The following RELN variants were observed in gnomAD, a reference collection of about 807,000 sequenced individuals.
The protein encoded by RELN is reelin.
A neutral mutation model predicts 427.6 loss-of-function variants in RELN; 108 were observed. That is an observed-to-expected ratio of 0.25 (90% confidence interval 0.22 to 0.30). The LOEUF is 0.30. Ranked by LOEUF, RELN falls within the 10% of genes least tolerant of loss-of-function variation. The probability of loss-of-function intolerance (pLI) is 1.00; values close to 1 mark genes in which losing one functional copy is unlikely to be tolerated. For missense variants in RELN, 3,715 were observed against 4,302.8 expected (o/e 0.86, Z 3.82); for synonymous variants, 1,524 against 1,513.4 (o/e 1.01, Z -0.16).
chr7:103,838,023 C>T (rs999566802), intron 2 of RELN, among the ~76,000 whole-genome samples: 8 of 151,720 alleles, frequency 5.3e-5, no homozygotes, highest in South Asian at 4.2e-4. Context: ...CTGGGTAACA[C>T]GGCGAAACAC....
chr7:103,619,512 CA>C (rs1207666829), intron 20 of RELN, among the ~76,000 whole-genome samples: 1 of 152,212 alleles, frequency 6.6e-6, no homozygotes, highest in Non-Finnish European at 1.5e-5. Context: ...AAAACTTTAA[CA>C]AATATATAGT....
rs78728005 is a variant in RELN at position 103,921,993 on chromosome 7, T to C, written c.227-4808A>G. 9.7e-3 allele frequency among the ~76,000 whole-genome samples: 1,477 copies of C among 152,286 alleles called. 25 individuals carry two copies. The highest frequency in any genetic ancestry group is 0.033 in the African/African-American group (1,382 of 41,546). On this transcript the variant is annotated intron_variant, in intron 1 of 64. Transcript: ENST00000428762. ...ACCCCAGAGCTCATTCACAGACTAC[T>C]TTCCCCAGAGTTTGGCTCAAGGGAG...
chr7:103,833,509 A>G (rs145267752), intron 3 of RELN, 28 bp downstream of exon 3: 10 of 1,605,250 alleles, frequency 6.2e-6, no homozygotes, highest in Middle Eastern at 3.3e-4. Flanking sequence ...TGCCTTCTGT[A>G]CGTATGGCAG....
At chr7:103,812,651 T>C (rs1792772053) in intron 3 of RELN, among the ~76,000 whole-genome samples, 1 of 152,210 alleles carries the variant, frequency 6.6e-6, no homozygotes, top group Non-Finnish European at 1.5e-5. Flanking sequence ...GCCAATCTTT[T>C]CTTTTTCTTA....
rs58239018 is a variant in RELN, at chr7:103,518,505, G to GTTTTTTTTTTTTTTTTTTTTT, written c.7862+817_7862+818insAAAAAAAAAAAAAAAAAAAAA. The stretch of plus-strand genomic sequence containing the variant: ...ATGCCACCACACCCAGGTAATTTAA[G>GTTTTTTTTTTTTTTTTTTTTT]TTTTTTTTTTTTTTGGTAAAATGTC... On this transcript the variant is annotated intron_variant, in intron 49 of 64. Transcript: ENST00000428762. 2.4e-3 allele frequency among the ~76,000 whole-genome samples: 279 copies of GTTTTTTTTTTTTTTTTTTTTT among 114,290 alleles called. 31 individuals are homozygous for GTTTTTTTTTTTTTTTTTTTTT. The highest frequency in any genetic ancestry group is 0.011 in the African/African-American group (248 of 21,796). 75.0% of individuals were successfully genotyped at this position (114,290 alleles called of 152,430 possible). A position where few individuals can be genotyped will look rare whatever the true frequency, so the allele number is the denominator to read the frequency against.
chr7:103,937,924 G>C (rs992855877), intron 1 of RELN, among the ~76,000 whole-genome samples: 2 of 152,160 alleles, frequency 1.3e-5, no homozygotes, highest in Non-Finnish European at 2.9e-5. Flanking sequence ...CTGACAATGA[G>C]ACACAGATCT....
At chr7:103,755,658 A>G (rs1002205373) in intron 4 of RELN, among the ~76,000 whole-genome samples, 12 of 146,554 alleles carry the variant, frequency 8.2e-5, no homozygotes, top group African/African-American at 3.0e-4. Context: ...ATTAAATAAC[A>G]TAAAAAAATT....
At position 103,989,279 on chromosome 7, in the gene RELN, C is replaced by T. The variant is rs1196068638; in HGVS notation, c.78G>A (p.Ala26=). Residue 26 remains alanine (A), a synonymous_variant, in exon 1 of 65, where the codon GCG becomes GCA. Transcript: ENST00000428762. This position sits in a 1 kb window ranked among gnomAD's most constrained non-coding sequence, Gnocchi z 4.9. The part of the protein sequence containing the change: ...LLGATLRARA[A]AGYYPRFSPF... Reference sequence around the variant, plus strand: ...GCGAAAAGCGGGGGTAATAGCCAGCCGCCGCGCGCGCCCTCAGCGTCGCCC... The same window carrying T: ...GCGAAAAGCGGGGGTAATAGCCAGCTGCCGCGCGCGCCCTCAGCGTCGCCC... 3.1e-6 allele frequency: 5 copies of T among 1,613,260 alleles called. No individual in the cohort carries two copies. The highest frequency in any genetic ancestry group is 4.5e-5 in the East Asian group (2 of 44,842).
intron 4 of RELN, among the ~76,000 whole-genome samples, chr7:103,761,526 C>T (rs1791298083): frequency 6.6e-6 from 1 of 152,090 alleles, no homozygotes; most frequent in African/African-American, 2.4e-5. Flanking sequence ...CATCTTGGCT[C>T]ACTGCAATCT....
chr7:103,726,470 C>T (rs1297807703), intron 7 of RELN, among the ~76,000 whole-genome samples: 3 of 152,094 alleles, frequency 2.0e-5, no homozygotes, highest in South Asian at 4.1e-4. Flanking sequence ...GCTAATCCCA[C>T]ATTAATTATA....
chr7:103,575,630 G>A lies in RELN; in HGVS notation c.4221C>T (p.Tyr1407=). The change falls in exon 29 of 65, where the codon TAC becomes TAT. Residue 1407 remains tyrosine (Y), a synonymous_variant. Transcript: ENST00000428762. The part of the protein sequence containing the change: ...NVPPFGLDGV[Y]ISEPCPSYCS... The stretch of plus-strand genomic sequence containing the variant: ...AGTAACTGGGACAAGGCTCGGATAT[G>A]TACACTCCATCTAAACCAAATGGAG... 1 of 1,614,108 alleles carries A rather than the reference G, an allele frequency of 6.2e-7. No homozygotes were observed. Among genetic ancestry groups the A allele is most frequent in the Non-Finnish European group, 8.5e-7 (1 of 1,179,974 alleles).
chr7:103,620,713 A>T lies in RELN; in HGVS notation c.2703-8910T>A, dbSNP rs1303053973. 6.6e-6 allele frequency among the ~76,000 whole-genome samples: 1 copy of T among 152,144 alleles called. No individual in the cohort carries two copies. The highest frequency in any genetic ancestry group is 1.5e-5 in the Non-Finnish European group (1 of 68,034). ...GGTCTTGAACTCCTGACCTCAAGTG[A>T]TCTGCCCGCCTCAGCCTCCCAAAGT... is the stretch of plus-strand genomic sequence containing the variant. On this transcript the variant is annotated intron_variant, in intron 20 of 64. Transcript: ENST00000428762. This position sits in a 1 kb window ranked among gnomAD's most constrained non-coding sequence, Gnocchi z 4.1.
intron 2 of RELN, among the ~76,000 whole-genome samples, chr7:103,866,157 A>G (rs894675454): frequency 1.3e-5 from 2 of 152,160 alleles, no homozygotes; most frequent in Non-Finnish European, 2.9e-5. Context: ...AATTCTTTTA[A>G]AAAATAAAAT....
chr7:103,931,369 C>T (rs1371572702), intron 1 of RELN, among the ~76,000 whole-genome samples: 1 of 152,158 alleles, frequency 6.6e-6, no homozygotes, highest in Non-Finnish European at 1.5e-5. Flanking sequence ...TAAATGTCAG[C>T]TCTTCTATAA....
chr7:103,750,518 T>C (rs1790971731), intron 5 of RELN, among the ~76,000 whole-genome samples: 1 of 152,222 alleles, frequency 6.6e-6, no homozygotes, highest in South Asian at 2.1e-4. Flanking sequence ...CAACATATAC[T>C]CATCCATGGC....
At chr7:103,740,628 T>C (rs375852923) in intron 6 of RELN, among the ~76,000 whole-genome samples, 1 of 152,230 alleles carries the variant, frequency 6.6e-6, no homozygotes, top group Non-Finnish European at 1.5e-5. Flanking sequence ...TTTATGTACA[T>C]GTACAGTCAT....
At chr7:103,933,998 G>A (rs997126239) in intron 1 of RELN, among the ~76,000 whole-genome samples, 1 of 152,126 alleles carries the variant, frequency 6.6e-6, no homozygotes, top group Admixed American at 6.6e-5. Context: ...ATGAGATGAT[G>A]AGAAACAGCC....
chr7:103,940,915 G>A (rs1225613578), intron 1 of RELN, among the ~76,000 whole-genome samples: 1 of 152,062 alleles, frequency 6.6e-6, no homozygotes, highest in African/African-American at 2.4e-5. Context: ...CTAACATTTT[G>A]AAGGACATTT....
intron 2 of RELN, among the ~76,000 whole-genome samples, chr7:103,870,936 C>T (rs1584316582): frequency 6.6e-6 from 1 of 152,126 alleles, no homozygotes; most frequent in East Asian, 1.9e-4. Flanking sequence ...TGATCTCTAC[C>T]TCTTCATCTC....
Sources: gnomAD v4.1 joint callset for allele counts (sites outside exome capture counted in the v4.1 genomes callset) on GRCh38, gnomAD v4.1.1 for gene constraint, Gnocchi (gnomAD v3.1) non-coding constraint, MANE v1.5 for transcripts, NCBI Gene and HGNC (gene_info 2026-07-23, HGNC 2026-07-21) for gene names.